Variants in RBFOX3 observed in about 807,000 individuals in gnomAD.
The protein encoded by RBFOX3 is RNA binding protein fox-1 homolog 3.
In RBFOX3, 17 loss-of-function variants were observed where a neutral mutation model predicts 48.7. The ratio of observed to expected loss-of-function variants is 0.35; its 90% CI spans 0.24 to 0.52. RBFOX3 has a LOEUF of 0.52. Ranked by LOEUF, RBFOX3 falls within the 20% of genes least tolerant of loss-of-function variation. The probability of loss-of-function intolerance (pLI) is 0.94; values close to 1 mark genes in which losing one functional copy is unlikely to be tolerated. For missense variants in RBFOX3, 382 were observed against 497.5 expected (o/e 0.77, Z 2.21); for synonymous variants, 212 against 209.5 (o/e 1.01, Z -0.10).
chr17:79,495,630 C>CT (rs2081390293), intron 1 of RBFOX3, among the ~76,000 whole-genome samples: 3 of 19,892 alleles, frequency 1.5e-4, no homozygotes, highest in African/African-American at 8.2e-4. Context: ...GGAAAGGGTA[C>CT]TGGGGCAGGG....
intron 4 of RBFOX3, among the ~76,000 whole-genome samples, chr17:79,232,399 C>T (rs577193671): frequency 6.6e-6 from 1 of 152,310 alleles, no homozygotes; most frequent in Admixed American, 6.5e-5. Flanking sequence ...ATAACAATCA[C>T]TGTAATAGCT....
chr17:79,475,170 A>G (rs2077553410), intron 2 of RBFOX3, among the ~76,000 whole-genome samples: 1 of 152,152 alleles, frequency 6.6e-6, no homozygotes, highest in Admixed American at 6.5e-5. Flanking sequence ...TGGGGGACAG[A>G]GAATGATCTC....
chr17:79,150,035 T>TGGGGGTGGGGGGTGAGGGGGGGGGGG (rs2044034749), intron 4 of RBFOX3, among the ~76,000 whole-genome samples: 1 of 7,916 alleles, frequency 1.3e-4, no homozygotes, highest in South Asian at 4.2e-3. Flanking sequence ...GGGTGGGGGG[T>TGGGGGTGGGGGGTGAGGGGGGGGGGG]GGGGGTGGGG....
In RBFOX3 at chr17:79,241,535, G is replaced by C. The variant is rs375967943; in HGVS notation, c.-73-5730C>G. ...CAACTAACTGATGTTGACGTGGAAG[G>C]TGCTGAGGAAGGTGACTCTGTGCTG... On this transcript the variant is annotated intron_variant, in intron 3 of 14. Transcript: ENST00000693108. Among the ~76,000 whole-genome samples the C allele has an allele frequency of 2.4e-4, 37 of 152,274 alleles. No individual in the cohort carries two copies. The East Asian group carries it at 3.5e-3, about 14-fold the overall frequency.
At chr17:79,097,888 A>C in intron 9 of RBFOX3, 143 bp from the exon 10 acceptor site, 1 of 788,960 alleles carries the variant, frequency 1.3e-6, no homozygotes, top group Non-Finnish European at 2.1e-6. Flanking sequence ...CCCCTTTCCC[A>C]CACTGCCCGG....
In RBFOX3 at chr17:79,459,894, A is replaced by G. The variant is rs79278461; in HGVS notation, c.-175+22560T>C. On this transcript the variant is annotated intron_variant, in intron 2 of 14. Transcript: ENST00000693108. The stretch of plus-strand genomic sequence containing the variant: ...GTCTATTGTGTGACTGGAATAGTCA[A>G]TAGTCAAACGTCCCTTGATGGTTGA... 5.1e-3 allele frequency among the ~76,000 whole-genome samples: 777 copies of G among 152,310 alleles called. 9 individuals carry two copies. Among genetic ancestry groups the G allele is most frequent in the African/African-American group, 0.018 (742 of 41,558 alleles).
At chr17:79,275,004 C>T (rs1384504781) in intron 3 of RBFOX3, among the ~76,000 whole-genome samples, 4 of 148,680 alleles carry the variant, frequency 2.7e-5, no homozygotes, top group African/African-American at 1.0e-4. Flanking sequence ...CTCCATCATC[C>T]ACCAGCCCCA....
chr17:79,649,864 G>C, the RBFOX3 span, among the ~76,000 whole-genome samples: 1 of 152,070 alleles, frequency 6.6e-6, no homozygotes, highest in South Asian at 2.1e-4. Flanking sequence ...GGGAAGCAAG[G>C]TATCTTCCAT....
At position 79,479,119 on chromosome 17, in the gene RBFOX3, T is replaced by TTTCTCCATCACTG. The variant is rs1453010891; in HGVS notation, c.-175+3322_-175+3334dup. Among the ~76,000 whole-genome samples, 1 of 152,054 alleles carries TTTCTCCATCACTG rather than the reference T, an allele frequency of 6.6e-6. No individual in the cohort carries two copies. Among genetic ancestry groups the TTTCTCCATCACTG allele is most frequent in the Non-Finnish European group, 1.5e-5 (1 of 68,000 alleles). On this transcript the variant is annotated intron_variant, in intron 2 of 14. Coordinates refer to ENST00000693108, the MANE Select transcript of RBFOX3 (RefSeq NM_001350451.2). This position sits in a 1 kb window ranked among gnomAD's most constrained non-coding sequence, Gnocchi z 5.1. The stretch of plus-strand genomic sequence containing the variant: ...TCCTGCAGGCTTTTCCCTGCCCGGG[T>TTTCTCCATCACTG]TTCTCCATCACTGTTCTCCAAGTCC...
chr17:79,095,704 C>T (rs1367272713), intron 12 of RBFOX3, 130 bp from the exon 13 acceptor site: 2 of 754,834 alleles, frequency 2.6e-6, no homozygotes, highest in Non-Finnish European at 4.4e-6. Flanking sequence ...TTCCCAGCCT[C>T]CCAGCCTCGG....
intron 2 of RBFOX3, among the ~76,000 whole-genome samples, chr17:79,368,478 T>C (rs1378445319): frequency 6.6e-6 from 1 of 152,220 alleles, no homozygotes; most frequent in African/African-American, 2.4e-5. Context: ...TGGACAAAAA[T>C]GCCACACTTG....
chr17:79,154,923 G>A (rs975158613), intron 4 of RBFOX3, among the ~76,000 whole-genome samples: 4 of 152,230 alleles, frequency 2.6e-5, no homozygotes, highest in East Asian at 1.9e-4. Context: ...CACAGGCCCC[G>A]GGGTCCTGCG....
intron 4 of RBFOX3, among the ~76,000 whole-genome samples, chr17:79,171,562 C>A (rs1233430453): frequency 1.3e-5 from 2 of 152,164 alleles, no homozygotes; most frequent in Non-Finnish European, 2.9e-5. Context: ...GTTCCACAGA[C>A]CCCTGCACTA....
At chr17:79,304,868 G>A (rs1438261904) in intron 3 of RBFOX3, among the ~76,000 whole-genome samples, 1 of 152,200 alleles carries the variant, frequency 6.6e-6, no homozygotes, top group Non-Finnish European at 1.5e-5. Context: ...CGGGTGCCGT[G>A]TTCTCGAGGC....
rs764750123 is a variant in RBFOX3 at position 79,237,926 on chromosome 17, G to A, written c.-73-2121C>T. On this transcript the variant is annotated intron_variant, in intron 3 of 14. Transcript: ENST00000693108. ...GCGGCTTGCATCAACTGCTGCCTTC[G>A]TTAATTTGGGGGATTTTTTTCTATT... 1.5e-4 allele frequency among the ~76,000 whole-genome samples: 15 copies of A among 99,756 alleles called. No individual in the cohort carries two copies. In the Middle Eastern group the frequency reaches 0.014, roughly 93 times the overall value. 65.4% of individuals were successfully genotyped at this position (99,756 alleles called of 152,430 possible).
intron 1 of RBFOX3, among the ~76,000 whole-genome samples, chr17:79,488,091 G>C (rs1177000633): frequency 6.6e-6 from 1 of 151,920 alleles, no homozygotes. Flanking sequence ...CTAAAACACA[G>C]GCACCCCAAG....
rs8081464 is a variant in RBFOX3 at position 79,195,936 on chromosome 17, G to A, written c.-34+39830C>T. 0.08 allele frequency among the ~76,000 whole-genome samples: 12,111 copies of A among 152,276 alleles called. 548 individuals are homozygous for A. Among genetic ancestry groups the A allele is most frequent in the East Asian group, 0.17 (872 of 5,182 alleles). On this transcript the variant is annotated intron_variant, in intron 4 of 14. Transcript: ENST00000693108. The surrounding 1 kb of genome is among the most constrained non-coding windows in gnomAD (Gnocchi z 5.3). ...TCGGAAATGCCATTCCAGTGAAACTGGGCATGGCGATAATTATCATCATCA... is the reference window on the plus strand; with the variant it reads ...TCGGAAATGCCATTCCAGTGAAACTAGGCATGGCGATAATTATCATCATCA...
chr17:79,579,065 C>T (rs2092957606), intron 1 of RBFOX3, among the ~76,000 whole-genome samples: 1 of 152,230 alleles, frequency 6.6e-6, no homozygotes, highest in Non-Finnish European at 1.5e-5. Context: ...CGCGTTCCCT[C>T]TTCCCTTCTG....
intron 2 of RBFOX3, among the ~76,000 whole-genome samples, chr17:79,465,973 G>A (rs1017795851): frequency 2.1e-4 from 32 of 152,266 alleles, no homozygotes; most frequent in Admixed American, 1.4e-3. Context: ...GCATCCCCAC[G>A]GCCCCCAGGA....
Sources: gnomAD v4.1 joint callset for allele counts (sites outside exome capture counted in the v4.1 genomes callset) on GRCh38, gnomAD v4.1.1 for gene constraint, Gnocchi (gnomAD v3.1) non-coding constraint, MANE v1.5 for transcripts, NCBI Gene and HGNC (gene_info 2026-07-23, HGNC 2026-07-21) for gene names.